The following VAMP7 variants were observed in gnomAD, a reference collection of about 807,000 sequenced individuals.
VAMP7 encodes the protein vesicle-associated membrane protein 7.
VAMP7 carries 14 observed loss-of-function variants against 29.6 expected under a neutral mutation model. The ratio of observed to expected loss-of-function variants is 0.47; its 90% CI spans 0.31 to 0.74. The LOEUF (loss-of-function observed/expected upper bound fraction) is 0.74, where lower values mean the gene tolerates loss of function less well. Among genes scored for constraint, VAMP7 ranks in the 30% least tolerant of loss-of-function variants. The probability of loss-of-function intolerance (pLI) is 0.05; values close to 1 mark genes in which losing one functional copy is unlikely to be tolerated. For synonymous variants in VAMP7, 95 were observed against 88.1 expected, an observed-to-expected ratio of 1.08 and a Z score of -0.44; for missense variants, 223 against 262.4, an observed-to-expected ratio of 0.85 and a Z score of 1.04.
chrX:155,933,399 C>A (rs2066595179), intron 6 of VAMP7, among the ~76,000 whole-genome samples: 1 of 152,052 alleles, frequency 6.6e-6, no homozygotes, highest in African/African-American at 2.4e-5. Flanking sequence ...TTGGTCTATT[C>A]AGAGATTCAA....
intron 7 of VAMP7, 137 bp from the exon 8 acceptor site, chrX:155,941,746 G>C (rs756923481): frequency 2.0e-5 from 21 of 1,054,844 alleles, no homozygotes; most frequent in Non-Finnish European, 2.8e-5. Context: ...TACTTGTTTA[G>C]TGTGTTCCAT....
intron 1 of VAMP7, among the ~76,000 whole-genome samples, chrX:155,882,211 C>A (rs1321206139): frequency 1.3e-5 from 2 of 152,130 alleles, no homozygotes; most frequent in African/African-American, 4.8e-5. Context: ...ATACATTTAA[C>A]AAATATTTAT....
chrX:155,942,229 G>A lies in VAMP7; in HGVS notation c.*278G>A, dbSNP rs2066756416. ...TGTTAACTAGTGTCATCTATTTAGAGAAACATTTTTGTTTTTAATTGCTCA... is the reference window on the plus strand; with the variant it reads ...TGTTAACTAGTGTCATCTATTTAGAAAAACATTTTTGTTTTTAATTGCTCA... On this transcript the variant is annotated 3_prime_UTR_variant, in exon 8 of 8. Coordinates refer to ENST00000286448, the MANE Select transcript of VAMP7 (RefSeq NM_005638.6). 1.4e-6 allele frequency: 2 copies of A among 1,470,632 alleles called. No homozygotes were observed. The highest frequency in any genetic ancestry group is 5.0e-5 in the East Asian group (2 of 40,320). 91.1% of individuals were successfully genotyped at this position (1,470,632 alleles called of 1,614,324 possible).
chrX:155,908,948 C>A (rs1216981187), intron 5 of VAMP7, among the ~76,000 whole-genome samples: 1 of 151,848 alleles, frequency 6.6e-6, no homozygotes, highest in East Asian at 1.9e-4. Flanking sequence ...GCCTCCCAAG[C>A]AGCTGGGACT....
intron 6 of VAMP7, among the ~76,000 whole-genome samples, chrX:155,938,662 TAGC>T (rs1192066818): frequency 6.6e-6 from 1 of 151,994 alleles, no homozygotes; most frequent in Non-Finnish European, 1.5e-5. Flanking sequence ...TAATAAAACA[TAGC>T]AGGGGCCGAG....
rs1236414982 is a variant in VAMP7, at chrX:155,943,737, A to G, written c.*1786A>G. 1 of 152,174 alleles carries G rather than the reference A, an allele frequency of 6.6e-6. No individual in the cohort carries two copies. The highest frequency in any genetic ancestry group is 2.4e-5 in the African/African-American group (1 of 41,448). 9.4% of individuals were successfully genotyped at this position (152,174 alleles called of 1,614,324 possible). A position where few individuals can be genotyped will look rare whatever the true frequency, so the allele number is the denominator to read the frequency against. Reference sequence around the variant, plus strand: ...TCATTTTAAATGACGCACAAACTGAAGATGTTAATAAAATTTAAGAGTAAT... The same window carrying G: ...TCATTTTAAATGACGCACAAACTGAGGATGTTAATAAAATTTAAGAGTAAT... On this transcript the variant is annotated 3_prime_UTR_variant, in exon 8 of 8. Coordinates refer to ENST00000286448, the MANE Select transcript of VAMP7 (RefSeq NM_005638.6).
rs187585858 is a variant in VAMP7 at position 155,935,715 on chromosome X, T to C, written c.502-3986T>C. On this transcript the variant is annotated intron_variant, in intron 6 of 7. Transcript: ENST00000286448. ...TTTTCTCAACTCGTCAAAGTCATTC[T>C]CTGTCTACCTTTGTTCTGTTGCTGG... is the stretch of plus-strand genomic sequence containing the variant. Among the ~76,000 whole-genome samples, 691 of 152,338 alleles carry C rather than the reference T, an allele frequency of 4.5e-3. 2 individuals are homozygous for C. The highest frequency in any genetic ancestry group is 0.017 in the Middle Eastern group (5 of 294).
chrX:155,919,982 G>GTT (rs200039134), intron 6 of VAMP7, 102 bp downstream of exon 6: 10 of 958,486 alleles, frequency 1.0e-5, no homozygotes, highest in Admixed American at 2.5e-5. Flanking sequence ...ATATTTGGTG[G>GTT]TTTTTTTTTC....
At chrX:155,900,834 A>C (rs750275984) in intron 5 of VAMP7, among the ~76,000 whole-genome samples, 1 of 152,252 alleles carries the variant, frequency 6.6e-6, no homozygotes, top group East Asian at 1.9e-4. Flanking sequence ...ACCTTATGAT[A>C]ATTCAGCAGT....
chrX:155,942,304 C>A lies in VAMP7; in HGVS notation c.*353C>A. 1 of 814,172 alleles carries A rather than the reference C, an allele frequency of 1.2e-6. No homozygotes were observed. Among genetic ancestry groups the A allele is most frequent in the Non-Finnish European group, 1.9e-6 (1 of 532,186 alleles). The allele number at this position is 814,172 out of a possible 1,614,324, so 50.4% of individuals were successfully genotyped here. A position where few individuals can be genotyped will look rare whatever the true frequency, so the allele number is the denominator to read the frequency against. ...GCTATCTACTAAAACTATGGAGAAA[C>A]TTTGTATGTGCACACAAAAGTATTC... On this transcript the variant is annotated 3_prime_UTR_variant, in exon 8 of 8. Transcript: ENST00000286448.
chrX:155,903,597 A>G (rs912250955), intron 5 of VAMP7, among the ~76,000 whole-genome samples: 2 of 152,158 alleles, frequency 1.3e-5, no homozygotes, highest in African/African-American at 2.4e-5. Context: ...CAAAAAACAC[A>G]TGAAAAAATG....
chrX:155,932,878 T>C (rs2066584376), intron 6 of VAMP7, among the ~76,000 whole-genome samples: 2 of 152,190 alleles, frequency 1.3e-5, no homozygotes, highest in South Asian at 4.2e-4. Flanking sequence ...ATACGTCCCA[T>C]CAATACCTAA....
chrX:155,909,012 A>C (rs1478107198), intron 5 of VAMP7, among the ~76,000 whole-genome samples: 2 of 151,930 alleles, frequency 1.3e-5, no homozygotes, highest in African/African-American at 4.8e-5. Context: ...TTTTTTGTAG[A>C]GACAAGGTCT....
chrX:155,896,448 C>T (rs776791994), intron 3 of VAMP7, among the ~76,000 whole-genome samples: 1 of 152,058 alleles, frequency 6.6e-6, no homozygotes, highest in East Asian at 1.9e-4. Context: ...CTATATAAAC[C>T]TGTAGTTTAC....
At chrX:155,913,694 G>T (rs751167561) in intron 5 of VAMP7, among the ~76,000 whole-genome samples, 1 of 151,936 alleles carries the variant, frequency 6.6e-6, no homozygotes, top group Non-Finnish European at 1.5e-5. Flanking sequence ...GATGTGTAGC[G>T]TTATTTCTGA....
intron 6 of VAMP7, among the ~76,000 whole-genome samples, chrX:155,930,271 A>C (rs1341823794): frequency 6.6e-6 from 1 of 152,136 alleles, no homozygotes; most frequent in Non-Finnish European, 1.5e-5. Context: ...TAAATCACAT[A>C]GTCATTTTTT....
chrX:155,918,524 C>T (rs1248893599), intron 5 of VAMP7, among the ~76,000 whole-genome samples: 6 of 151,874 alleles, frequency 4.0e-5, no homozygotes, highest in African/African-American at 9.7e-5. Context: ...CCATTCCTCA[C>T]GGCACGGTCC....
At chrX:155,894,873 C>A (rs767727072) in intron 2 of VAMP7, among the ~76,000 whole-genome samples, 1 of 152,238 alleles carries the variant, frequency 6.6e-6, no homozygotes, top group South Asian at 2.1e-4. Context: ...GCCTCAGCCT[C>A]CCAAAGTGCT....
chrX:155,886,743 A>G (rs1415039248), intron 1 of VAMP7, among the ~76,000 whole-genome samples: 1 of 152,214 alleles, frequency 6.6e-6, no homozygotes, highest in Non-Finnish European at 1.5e-5. Flanking sequence ...ACCAGCACAG[A>G]GTGTAATGGG....
Sources: allele counts gnomAD v4.1 joint callset (sites outside exome capture counted in the v4.1 genomes callset), GRCh38; gene constraint gnomAD v4.1.1; transcripts MANE v1.5; gene names NCBI Gene and HGNC (gene_info 2026-07-23, HGNC 2026-07-21).